Variants in NIPA2 observed in about 807,000 individuals in gnomAD.
NIPA2 encodes NIPA magnesium transporter 2.
In NIPA2, 11 loss-of-function variants were observed where a neutral mutation model predicts 29.7. That is an observed-to-expected ratio of 0.37 (90% confidence interval 0.23 to 0.61). The LOEUF (loss-of-function observed/expected upper bound fraction) is 0.61. Among genes scored for constraint, NIPA2 ranks in the 20% least tolerant of loss-of-function variants. The pLI, the probability that NIPA2 is intolerant of heterozygous loss-of-function variation, is 0.66. For missense variants in NIPA2, 426 were observed against 437.9 expected, an observed-to-expected ratio of 0.97 and a Z score of 0.24; for synonymous variants, 183 against 161.9, an observed-to-expected ratio of 1.13 and a Z score of -0.99.
intron 3 of NIPA2, among the ~76,000 whole-genome samples, chr15:22,846,371 A>G (rs1162489585): frequency 6.7e-6 from 1 of 148,882 alleles, no homozygotes; most frequent in Non-Finnish European, 1.5e-5. Context: ...TTTTTACCAG[A>G]TGTCAAGGCA....
chr15:22,848,825 CAAAAAAAAAA>C (rs35853443), intron 3 of NIPA2, among the ~76,000 whole-genome samples: 7 of 66,712 alleles, frequency 1.0e-4, no homozygotes, highest in Non-Finnish European at 1.8e-4. Context: ...ACTCTTGTCT[CAAAAAAAAAA>C]AAAAAAAAAA....
intron 7 of NIPA2, among the ~76,000 whole-genome samples, chr15:22,864,705 C>T (rs1321042857): frequency 6.6e-6 from 1 of 152,210 alleles, no homozygotes; most frequent in Non-Finnish European, 1.5e-5. Context: ...CTTTACTCCA[C>T]TTCAGAGGCA....
Position 22,851,666 on chromosome 15 carries a change from A to T in NIPA2, c.-66A>T. The stretch of plus-strand genomic sequence containing the variant: ...TTGAAGACTGCTTCATTCTGCCTCT[A>T]GTACCAGCGGTTTCTCTGTTCTGTG... On this transcript the variant is annotated 5_prime_UTR_variant, in exon 4 of 8. Transcript: ENST00000337451. 7.3e-7 allele frequency: 1 copy of T among 1,373,356 alleles called. No individual in the cohort carries two copies. Among genetic ancestry groups the T allele is most frequent in the Non-Finnish European group, 1.0e-6 (1 of 995,634 alleles). 85.1% of individuals were successfully genotyped at this position (1,373,356 alleles called of 1,614,324 possible).
At chr15:22,853,388 T>G in intron 5 of NIPA2, 120 bp downstream of exon 5, 1 of 583,736 alleles carries the variant, frequency 1.7e-6, no homozygotes, top group South Asian at 2.5e-5. Context: ...TTTTTTTTTT[T>G]TTTGAGACAG....
intron 5 of NIPA2, among the ~76,000 whole-genome samples, chr15:22,853,515 A>G (rs2057937908): frequency 6.6e-6 from 1 of 151,452 alleles, no homozygotes; most frequent in Non-Finnish European, 1.5e-5. Context: ...TTGGGATTAC[A>G]GGCGTGCCAC....
At position 22,867,126 on chromosome 15, in the gene NIPA2, A is replaced by G. The variant is rs769582055; in HGVS notation, c.*279A>G. 35 of 482,302 alleles carry G rather than the reference A, an allele frequency of 7.3e-5. No homozygotes were observed. The highest frequency in any genetic ancestry group is 3.2e-4 in the East Asian group (10 of 31,310). 29.9% of individuals were successfully genotyped at this position (482,302 alleles called of 1,614,324 possible). On this transcript the variant is annotated 3_prime_UTR_variant, in exon 8 of 8. Coordinates refer to ENST00000337451, the MANE Select transcript of NIPA2 (RefSeq NM_030922.7). The stretch of plus-strand genomic sequence containing the variant: ...TCTCCAAAAGCCGAATGCACTAATG[A>G]CAGTTTTAAGTCTATGAAAATGCTT...
In NIPA2 at chr15:22,851,865, G is replaced by C. The variant is rs1419173376; in HGVS notation, c.134G>C (p.Arg45Thr). The change falls in exon 4 of 8, where the codon AGA becomes ACA. Residue 45 changes from arginine to threonine, a missense_variant. Transcript: ENST00000337451. ...LLRLARKGSMRAGQGGHAYLK... is the reference protein window; with the variant it reads ...LLRLARKGSMTAGQGGHAYLK... ...CGACTTGCCAGGAAAGGCTCTATGA[G>C]AGCAGGTAGGTTATGCCTTATGTGA... 3.1e-6 allele frequency: 5 copies of C among 1,612,872 alleles called. No homozygotes were observed. Among genetic ancestry groups the C allele is most frequent in the Non-Finnish European group, 3.4e-6 (4 of 1,179,548 alleles).
chr15:22,842,001 T>C (rs28459196), intron 2 of NIPA2, among the ~76,000 whole-genome samples: 64,089 of 151,970 alleles, frequency 0.42, 16,614 homozygotes, highest in African/African-American at 0.71. Context: ...CTCCTAACTA[T>C]GGTCATTAGA....
At chr15:22,841,172 A>T (rs554492094) in intron 2 of NIPA2, among the ~76,000 whole-genome samples, 1 of 152,150 alleles carries the variant, frequency 6.6e-6, no homozygotes, top group South Asian at 2.1e-4. Context: ...AAAAGTAACT[A>T]CATGAGATGA....
At chr15:22,852,539 C>T (rs537749343) in intron 4 of NIPA2, among the ~76,000 whole-genome samples, 25 of 148,408 alleles carry the variant, frequency 1.7e-4, no homozygotes, top group African/African-American at 4.9e-4. Flanking sequence ...TGATAGTAGA[C>T]GTTCTGACTT....
chr15:22,861,704 A>T (rs910374062), intron 7 of NIPA2, among the ~76,000 whole-genome samples: 1 of 152,152 alleles, frequency 6.6e-6, no homozygotes, highest in Admixed American at 6.5e-5. Context: ...ACATGCCTAG[A>T]GATGGGTCCA....
At chr15:22,858,968 A>G (rs2058412300) in intron 6 of NIPA2, among the ~76,000 whole-genome samples, 2 of 152,172 alleles carry the variant, frequency 1.3e-5, no homozygotes, top group South Asian at 4.1e-4. Context: ...ACCTGAGGTC[A>G]GAAGTTTGAG....
intron 7 of NIPA2, 93 bp from the exon 8 acceptor site, chr15:22,866,120 T>C: frequency 9.8e-7 from 1 of 1,025,240 alleles, no homozygotes; most frequent in East Asian, 2.5e-5. Flanking sequence ...CCATACCTTT[T>C]CTCCCTATCA....
In NIPA2 at chr15:22,866,682, A is replaced by T; in HGVS notation, c.918A>T (p.Leu306=). 1 of 1,614,100 alleles carries T rather than the reference A, an allele frequency of 6.2e-7. No individual in the cohort carries two copies. The highest frequency in any genetic ancestry group is 8.5e-7 in the Non-Finnish European group (1 of 1,179,992). Residue 306 remains leucine (L), a synonymous_variant, in exon 8 of 8, where the codon CTA becomes CTT. Transcript: ENST00000337451. ...LHAFKDVSFS[L]ASLPVSFRKD... ...CCTTTAAAGACGTCAGCTTTAGTCT[A>T]GCAAGTCTGCCTGTGTCTTTTCGAA... is the stretch of plus-strand genomic sequence containing the variant.
intron 2 of NIPA2, among the ~76,000 whole-genome samples, chr15:22,843,031 G>A (rs1439540995): frequency 6.6e-6 from 1 of 151,750 alleles, no homozygotes; most frequent in East Asian, 1.9e-4. Flanking sequence ...GATCTAAAAG[G>A]TAGGTTTGGA....
At position 22,866,242 on chromosome 15, in the gene NIPA2, A is replaced by G. The variant is rs774692720; in HGVS notation, c.478A>G (p.Ile160Val). ...TGTGGTCTTTGCAACCCTTGTGGTC[A>G]TTGTGGCCTTGATATTAATCTTCGT... ...GFVVFATLVV[I>V]VALILIFVVG... The change falls in exon 8 of 8, where the codon ATT becomes GTT. Residue 160 changes from isoleucine (I) to valine (V), a missense_variant. Transcript: ENST00000337451. 11 of 1,613,798 alleles carry G rather than the reference A, an allele frequency of 6.8e-6. No individual in the cohort carries two copies. In the East Asian group the frequency reaches 1.3e-4, roughly 20 times the overall value.
chr15:22,851,073 C>T (rs765153135), intron 3 of NIPA2, among the ~76,000 whole-genome samples: 1 of 152,122 alleles, frequency 6.6e-6, no homozygotes, highest in Admixed American at 6.5e-5. Flanking sequence ...CAAAGGCCAC[C>T]GGTACCATAC....
At chr15:22,861,560 C>T (rs908608676) in intron 7 of NIPA2, among the ~76,000 whole-genome samples, 29 of 152,264 alleles carry the variant, frequency 1.9e-4, no homozygotes, top group East Asian at 9.6e-4. Flanking sequence ...ATTGTGACCA[C>T]CGTCTTCTCA....
Position 22,867,104 on chromosome 15 carries a change from C to A in NIPA2, c.*257C>A. On this transcript the variant is annotated 3_prime_UTR_variant, in exon 8 of 8. Transcript: ENST00000337451. ...AGTATTTTACATTTTCATCCCTTCT[C>A]CAAAAGCCGAATGCACTAATGACAG... 2.1e-6 allele frequency: 1 copy of A among 485,100 alleles called. No individual in the cohort carries two copies. Among genetic ancestry groups the A allele is most frequent in the South Asian group, 4.4e-5 (1 of 22,788 alleles). 30.0% of individuals were successfully genotyped at this position (485,100 alleles called of 1,614,324 possible). A position where few individuals can be genotyped will look rare whatever the true frequency, so the allele number is the denominator to read the frequency against.
Sources: allele counts gnomAD v4.1 joint callset (sites outside exome capture counted in the v4.1 genomes callset), GRCh38; gene constraint gnomAD v4.1.1; transcripts MANE v1.5; gene names NCBI Gene and HGNC (gene_info 2026-07-23, HGNC 2026-07-21).